COL18A1: variants seen among roughly 807,000 people sequenced by gnomAD.
COL18A1 encodes the protein collagen type XVIII alpha 1 chain, also known as collagen alpha-1(XVIII) chain.
In COL18A1, 133 loss-of-function variants were observed where a neutral mutation model predicts 168.0. The observed-to-expected ratio is 0.79, with a 90% CI of 0.69 to 0.91. The LOEUF is 0.91. Ranked by LOEUF, COL18A1 falls within the 40% of genes least tolerant of loss-of-function variation. The pLI is 0.00. For missense variants in COL18A1, 2,126 were observed against 1,925.4 expected (o/e 1.10, Z -1.95); for synonymous variants, 949 against 809.0 (o/e 1.17, Z -2.94).
intron 2 of COL18A1, among the ~76,000 whole-genome samples, chr21:45,419,198 C>T (rs12627289): frequency 0.058 from 8,882 of 152,010 alleles, 498 homozygotes; most frequent in African/African-American, 0.15. Context: ...TGTAGTAAGG[C>T]GATGCCGTGT....
intron 2 of COL18A1, chr21:45,407,578 C>G (rs531611583): frequency 7.9e-5 from 12 of 152,366 alleles, no homozygotes; most frequent in African/African-American, 2.9e-4. Flanking sequence ...AGCCGTGACC[C>G]CCAAGAGGTG....
chr21:45,491,565 G>A (rs947195813), intron 22 of COL18A1, among the ~76,000 whole-genome samples: 11 of 152,128 alleles, frequency 7.2e-5, no homozygotes, highest in South Asian at 6.2e-4. Flanking sequence ...GTGTTTTTAC[G>A]TCAAAGGCTC....
chr21:45,505,229 C>G lies in COL18A1; in HGVS notation c.2964C>G (p.Gly988=), dbSNP rs765397052. Residue 988 remains glycine, a synonymous_variant, in exon 35 of 42, where the codon GGC becomes GGG. Coordinates refer to ENST00000651438, the MANE Select transcript of COL18A1 (RefSeq NM_001379500.1). ...ACGAGGGGCGCCAGGGCCCTCCCGGCCCCCCAGGCCCCCCAGGGCCCCCTT... is the reference window on the plus strand; with the variant it reads ...ACGAGGGGCGCCAGGGCCCTCCCGGGCCCCCAGGCCCCCCAGGGCCCCCTT... ...IGYEGRQGPP[G]PPGPPGPPSF... is the part of the protein sequence containing the mutation. The G allele has an allele frequency of 4.4e-6, 7 of 1,590,594 alleles. No homozygotes were observed. Among genetic ancestry groups the G allele is most frequent in the Middle Eastern group, 1.7e-4 (1 of 5,904 alleles).
At chr21:45,480,571 A>G (rs762296671) in intron 12 of COL18A1, 51 bp downstream of exon 12, 1 of 1,613,820 alleles carries the variant, frequency 6.2e-7, no homozygotes, top group African/African-American at 1.3e-5. Context: ...CCCATGAGGA[A>G]CAGGCCATGG....
intron 22 of COL18A1, 130 bp from the exon 23 acceptor site, chr21:45,492,405 G>A: frequency 8.6e-7 from 1 of 1,162,410 alleles, no homozygotes; most frequent in Non-Finnish European, 1.3e-6. Context: ...CCCAGGCCCA[G>A]GAAGACTGGA....
chr21:45,478,397 T>G (rs376678992), intron 9 of COL18A1, 44 bp downstream of exon 9: 13 of 1,614,058 alleles, frequency 8.1e-6, no homozygotes, highest in Non-Finnish European at 1.1e-5. Context: ...TCTGTGATGT[T>G]TGCTTAGACC....
intron 8 of COL18A1, 35 bp downstream of exon 8, chr21:45,478,000 C>T: frequency 8.6e-7 from 1 of 1,169,582 alleles, no homozygotes; most frequent in Non-Finnish European, 1.2e-6. Flanking sequence ...CCGGCCCGGT[C>T]TGGAGGGTGG....
chr21:45,483,123 C>T (rs141427792), intron 15 of COL18A1, among the ~76,000 whole-genome samples: 13 of 152,362 alleles, frequency 8.5e-5, no homozygotes, highest in Non-Finnish European at 1.5e-4. Context: ...AAACAAGCTC[C>T]GTGTGGCAAG....
At position 45,505,883 on chromosome 21, in the gene COL18A1, G is replaced by A. The variant is rs200427354; in HGVS notation, c.3133G>A (p.Glu1045Lys). Residue 1045 changes from glutamate to lysine, a missense_variant, in exon 37 of 42, where the codon GAG (glutamate) becomes AAG (lysine). By Grantham distance (56) the Glu-to-Lys change is moderately conservative. Transcript: ENST00000651438. ...CCAGGCCATGCTGGGCCAGGTGCAC[G>A]AGGTTCCCGAGGGCTGGCTCATCTT... ...TRQAMLGQVH[E>K]VPEGWLIFVA... 8.3e-5 allele frequency: 133 copies of A among 1,611,876 alleles called. No homozygotes were observed. Among genetic ancestry groups the A allele is most frequent in the African/African-American group, 2.3e-4 (17 of 74,912 alleles).
chr21:45,405,320 C>CGGGTCCTGCGGGGGTCCTGCGG (rs1555966547), intron 1 of COL18A1, 59 bp from the exon 2 acceptor site: 2 of 385,588 alleles, frequency 5.2e-6, no homozygotes, highest in Admixed American at 3.0e-4. Flanking sequence ...GGGGCTCGGC[C>CGGGTCCTGCGGGGGTCCTGCGG]GGGTCCTGCG....
chr21:45,453,104 A>G (rs1395516872), intron 2 of COL18A1, among the ~76,000 whole-genome samples: 2 of 151,448 alleles, frequency 1.3e-5, no homozygotes, highest in Admixed American at 6.6e-5. Context: ...ATGACATGTA[A>G]GCATTATGTA....
Position 45,476,495 on chromosome 21 carries a change from GGATGTGGTGTGTGTGT to G in COL18A1, c.928+17_928+32del. The stretch of plus-strand genomic sequence containing the variant: ...TTCGTTAGGAGGTAAGCTCTTTTCT[GGATGTGGTGTGTGTGT>G]GGTGTGGGGTGTGTGTGGTGTGTAA... On this transcript the variant is annotated intron_variant, in intron 6 of 41. Coordinates refer to ENST00000651438, the MANE Select transcript of COL18A1 (RefSeq NM_001379500.1). 6.3e-7 allele frequency: 1 copy of G among 1,587,710 alleles called. No individual in the cohort carries two copies. Among genetic ancestry groups the G allele is most frequent in the Non-Finnish European group, 8.6e-7 (1 of 1,166,498 alleles).
At chr21:45,505,788 C>A in intron 36 of COL18A1, 50 bp from the exon 37 acceptor site, 1 of 1,278,624 alleles carries the variant, frequency 7.8e-7, no homozygotes. Flanking sequence ...TCCGCCCCTG[C>A]CCCCCGCCCT....
rs1448658453 is a variant in COL18A1, at chr21:45,482,790, T to A, written c.1675-5T>A. ...TTTGTCATAATCCTGCTCTTTTCCGTACAGGGTGAAGCAGGCGCCCCAGGA... is the reference window on the plus strand; with the variant it reads ...TTTGTCATAATCCTGCTCTTTTCCGAACAGGGTGAAGCAGGCGCCCCAGGA... On this transcript the variant is annotated splice_polypyrimidine_tract_variant and splice_region_variant and intron_variant, in intron 14 of 41. Coordinates refer to ENST00000651438, the MANE Select transcript of COL18A1 (RefSeq NM_001379500.1). 1.2e-6 allele frequency: 2 copies of A among 1,614,084 alleles called. No homozygotes were observed. The highest frequency in any genetic ancestry group is 3.3e-5 in the Admixed American group (2 of 60,006).
At chr21:45,412,045 A>G (rs1397825841) in intron 2 of COL18A1, among the ~76,000 whole-genome samples, 1 of 152,060 alleles carries the variant, frequency 6.6e-6, no homozygotes, top group Non-Finnish European at 1.5e-5. Flanking sequence ...TCACGCACTA[A>G]GGGGCCGTCG....
intron 37 of COL18A1, chr21:45,506,316 C>T: frequency 2.7e-6 from 1 of 367,956 alleles, no homozygotes; most frequent in Non-Finnish European, 5.3e-6. Flanking sequence ...CTCAGGCCCT[C>T]CAGGGCCACG....
Position 45,506,705 on chromosome 21 carries a change from C to T in COL18A1, c.3216+739C>T, listed in dbSNP as rs1266484305. On this transcript the variant is annotated intron_variant, in intron 37 of 41. Transcript: ENST00000651438. ...CTGCACACTGACACAGCCCTGACTC[C>T]TGGAGCCCTCCCACCTTCCAACACA... 2.4e-5 allele frequency: 4 copies of T among 165,008 alleles called. No homozygotes were observed. The East Asian group carries it at 6.7e-4, about 28-fold the overall frequency. 10.2% of individuals were successfully genotyped at this position (165,008 alleles called of 1,614,324 possible).
intron 2 of COL18A1, among the ~76,000 whole-genome samples, chr21:45,411,893 C>T (rs1467954804): frequency 6.6e-6 from 1 of 152,102 alleles, no homozygotes; most frequent in Non-Finnish European, 1.5e-5. Flanking sequence ...TTTTAAAAAC[C>T]TTGCTAATTT....
intron 26 of COL18A1, 67 bp from the exon 27 acceptor site, chr21:45,494,478 C>T (rs1284935232): frequency 6.2e-7 from 1 of 1,610,216 alleles, no homozygotes; most frequent in Non-Finnish European, 8.5e-7. Context: ...CCACAGGGGC[C>T]CTCAGAGAGG....
Sources: gnomAD v4.1 joint callset for allele counts (sites outside exome capture counted in the v4.1 genomes callset) on GRCh38, gnomAD v4.1.1 for gene constraint, MANE v1.5 for transcripts, NCBI Gene and HGNC (gene_info 2026-07-23, HGNC 2026-07-21) for gene names.